Variants in GARIN1A observed in about 807,000 individuals in gnomAD.
The protein encoded by GARIN1A is golgi associated RAB2 interactor 1A.
At chr7:128,675,577 A>G in the GARIN1A span, 13 of 1,290,978 alleles carry the variant, frequency 1.0e-5, no homozygotes, top group Non-Finnish European at 1.3e-5. Context: ...CAGTGTGTGC[A>G]CACCTGCCCC....
At chr7:128,699,260 G>GATCC in the GARIN1A span, among the ~76,000 whole-genome samples, 1 of 105,016 alleles carries the variant, frequency 9.5e-6, no homozygotes. Flanking sequence ...CATACCTGCT[G>GATCC]CCCCCCCCCC....
At chr7:128,686,060 A>C in the GARIN1A span, 1 of 152,178 alleles carries the variant, frequency 6.6e-6, no homozygotes, top group African/African-American at 2.4e-5. Context: ...TAAAAATACA[A>C]AAATTAGCTG....
chr7:128,697,079 A>G, the GARIN1A span, among the ~76,000 whole-genome samples: 1 of 152,184 alleles, frequency 6.6e-6, no homozygotes, highest in Admixed American at 6.5e-5. Context: ...AAATCATTAC[A>G]AAGTTGCTCC....
chr7:128,697,137 A>C, the GARIN1A span, among the ~76,000 whole-genome samples: 2 of 152,168 alleles, frequency 1.3e-5, no homozygotes, highest in African/African-American at 4.8e-5. Context: ...TCCCCTACAC[A>C]ACCTTGGTTT....
At chr7:128,691,999 G>A in the GARIN1A span, among the ~76,000 whole-genome samples, 2 of 152,174 alleles carry the variant, frequency 1.3e-5, no homozygotes, top group Admixed American at 1.3e-4. Context: ...AGGCAGTCCC[G>A]GCCATGAGAC....
chr7:128,683,056 G>A, the GARIN1A span: 923 of 1,611,284 alleles, frequency 5.7e-4, 1 homozygote, highest in Non-Finnish European at 7.3e-4. Flanking sequence ...ATACCCATGA[G>A]AGCTGCCTTG....
At chr7:128,683,340 T>C in the GARIN1A span, 13 of 503,092 alleles carry the variant, frequency 2.6e-5, no homozygotes, top group East Asian at 2.6e-4. Context: ...GGTTGGGCTA[T>C]AGGGAGGCTC....
chr7:128,685,367 G>A, the GARIN1A span: 1 of 152,288 alleles, frequency 6.6e-6, no homozygotes, highest in Non-Finnish European at 1.5e-5. Flanking sequence ...GAGACATAGT[G>A]AAGCCATTAA....
At chr7:128,704,663 T>G in the GARIN1A span, among the ~76,000 whole-genome samples, 1 of 152,014 alleles carries the variant, frequency 6.6e-6, no homozygotes, top group Admixed American at 6.6e-5. Context: ...CACAATAGGG[T>G]TCGCACGCCT....
chr7:128,706,144 C>T, the GARIN1A span, among the ~76,000 whole-genome samples: 4 of 152,236 alleles, frequency 2.6e-5, no homozygotes, highest in Admixed American at 2.6e-4. Flanking sequence ...CAAATTTGGC[C>T]TGCAGGAGCA....
chr7:128,675,971 C>A, the GARIN1A span: 1 of 687,534 alleles, frequency 1.5e-6, no homozygotes, highest in East Asian at 2.7e-5. Context: ...GTGCATAAAC[C>A]CTGTAGAACT....
At chr7:128,704,324 A>G in the GARIN1A span, among the ~76,000 whole-genome samples, 1 of 137,156 alleles carries the variant, frequency 7.3e-6, no homozygotes, top group African/African-American at 2.8e-5. Context: ...TTTTTTTTTG[A>G]AACAGAGTCT....
At chr7:128,681,307 G>A in the GARIN1A span, among the ~76,000 whole-genome samples, 1 of 152,230 alleles carries the variant, frequency 6.6e-6, no homozygotes, top group African/African-American at 2.4e-5. Context: ...CCTTTCCTAG[G>A]GGGGAACTGG....
chr7:128,682,223 C>G, the GARIN1A span, among the ~76,000 whole-genome samples: 1 of 152,178 alleles, frequency 6.6e-6, no homozygotes, highest in Non-Finnish European at 1.5e-5. Flanking sequence ...GACTCTCTCC[C>G]CACGTGACAA....
At chr7:128,675,440 GTTATCTTTTTAGTTAGATAAAACA>G in the GARIN1A span, among the ~76,000 whole-genome samples, 4 of 109,190 alleles carry the variant, frequency 3.7e-5, no homozygotes, top group African/African-American at 1.3e-4. Context: ...AGATAAAACA[GTTATCTTTTTAGTTAGATAAAACA>G]GAGGACCCAG....
chr7:128,681,475 C>CCCCTCTCCTT, the GARIN1A span, among the ~76,000 whole-genome samples: 1 of 124,758 alleles, frequency 8.0e-6, no homozygotes, highest in Non-Finnish European at 1.7e-5. Context: ...CCCCTCTCCT[C>CCCCTCTCCTT]TCCTCCTTTC....
the GARIN1A span, chr7:128,675,852 C>A: frequency 6.2e-7 from 1 of 1,610,934 alleles, no homozygotes; most frequent in Non-Finnish European, 8.5e-7. Context: ...AGTCATCAAC[C>A]TCAGCAGGTA....
chr7:128,699,114 C>T, the GARIN1A span, among the ~76,000 whole-genome samples: 3 of 152,144 alleles, frequency 2.0e-5, no homozygotes, highest in East Asian at 5.8e-4. Context: ...TTATATTTAA[C>T]AAGGCACCAA....
chr7:128,676,924 G>A, the GARIN1A span, among the ~76,000 whole-genome samples: 1 of 151,996 alleles, frequency 6.6e-6, no homozygotes, highest in Non-Finnish European at 1.5e-5. Flanking sequence ...TGTAATCCTA[G>A]CTCTTTGGGA....
Sources: gnomAD v4.1 joint callset for allele counts (sites outside exome capture counted in the v4.1 genomes callset) on GRCh38, gnomAD v4.1.1 for gene constraint, MANE v1.5 for transcripts, NCBI Gene and HGNC (gene_info 2026-07-23, HGNC 2026-07-21) for gene names.